Variants in STXBP5L observed in about 807,000 individuals in gnomAD.
STXBP5L encodes the protein syntaxin-binding protein 5-like.
A neutral mutation model predicts 144.5 loss-of-function variants in STXBP5L; 65 were observed. That is an observed-to-expected ratio of 0.45 (90% CI 0.37 to 0.55). STXBP5L has a LOEUF of 0.55. Among genes scored for constraint, STXBP5L ranks in the 20% least tolerant of loss-of-function variants. The probability of loss-of-function intolerance (pLI) is 0.00; values close to 1 mark genes in which losing one functional copy is unlikely to be tolerated. For missense variants in STXBP5L, 1,298 were observed against 1,405.5 expected (o/e 0.92, Z 1.22); for synonymous variants, 505 against 469.6 (o/e 1.08, Z -0.97).
chr3:121,009,829 T>C (rs1944636898), intron 3 of STXBP5L, among the ~76,000 whole-genome samples: 1 of 151,904 alleles, frequency 6.6e-6, no homozygotes, highest in African/African-American at 2.4e-5. Flanking sequence ...AAGGGCCTAG[T>C]AGCATGTCAG....
chr3:121,188,083 A>G (rs2047475939), intron 9 of STXBP5L, among the ~76,000 whole-genome samples: 1 of 152,176 alleles, frequency 6.6e-6, no homozygotes, highest in African/African-American at 2.4e-5. Context: ...ACACAATGTT[A>G]GTGGGAAAAT....
chr3:121,197,269 A>C (rs1025557209), intron 9 of STXBP5L, among the ~76,000 whole-genome samples: 2 of 152,154 alleles, frequency 1.3e-5, no homozygotes, highest in African/African-American at 4.8e-5. Flanking sequence ...TGTAGAAAGC[A>C]TATAGTTGGA....
intron 3 of STXBP5L, among the ~76,000 whole-genome samples, chr3:120,993,648 C>A (rs1003348505): frequency 6.6e-6 from 1 of 151,952 alleles, no homozygotes; most frequent in Non-Finnish European, 1.5e-5. Flanking sequence ...GTGTTCTGTT[C>A]CATTGGTCTA....
chr3:121,091,709 C>T (rs2042807932), intron 5 of STXBP5L, among the ~76,000 whole-genome samples: 1 of 152,030 alleles, frequency 6.6e-6, no homozygotes, highest in Non-Finnish European at 1.5e-5. Flanking sequence ...CGAAAATTTT[C>T]TCCCATGTTG....
chr3:121,061,399 G>T (rs1190041439), intron 5 of STXBP5L, among the ~76,000 whole-genome samples: 2 of 152,118 alleles, frequency 1.3e-5, no homozygotes, highest in South Asian at 2.1e-4. Flanking sequence ...CAGTTATGTG[G>T]CCAGTTTTAG....
chr3:120,986,941 C>T (rs1201591097), intron 3 of STXBP5L, among the ~76,000 whole-genome samples: 3 of 151,824 alleles, frequency 2.0e-5, no homozygotes, highest in Non-Finnish European at 2.9e-5. Flanking sequence ...CAGAAGGGAC[C>T]TGTGGGACAC....
intron 20 of STXBP5L, among the ~76,000 whole-genome samples, chr3:121,343,097 G>C (rs944390796): frequency 6.6e-6 from 1 of 152,180 alleles, no homozygotes; most frequent in African/African-American, 2.4e-5. Flanking sequence ...CTGATAGCCA[G>C]TGATGGTGAG....
chr3:120,929,605 T>C (rs1010072144), intron 2 of STXBP5L, among the ~76,000 whole-genome samples: 3 of 152,142 alleles, frequency 2.0e-5, no homozygotes, highest in Non-Finnish European at 4.4e-5. Flanking sequence ...CTGTGGGCAT[T>C]AAACCTTCAG....
At chr3:120,951,568 T>C (rs984857193) in intron 2 of STXBP5L, among the ~76,000 whole-genome samples, 1 of 152,158 alleles carries the variant, frequency 6.6e-6, no homozygotes, top group Non-Finnish European at 1.5e-5. Context: ...TCACCATCAC[T>C]GGCCATCGGA....
chr3:121,290,393 G>T (rs1404644415), intron 19 of STXBP5L, among the ~76,000 whole-genome samples: 3 of 151,974 alleles, frequency 2.0e-5, no homozygotes, highest in Non-Finnish European at 4.4e-5. Context: ...CAAGCAGTGA[G>T]ATTAAAATGG....
chr3:121,407,556 T>C lies in STXBP5L; in HGVS notation c.2901T>C (p.Ser967=). ...CAAATGTGGTGGTCATGTGTAGCAGTGCCTGCTTGGCATGCTTTTGTGCTA... is the reference window on the plus strand; with the variant it reads ...CAAATGTGGTGGTCATGTGTAGCAGCGCCTGCTTGGCATGCTTTTGTGCTA... ...LQANVVVMCS[S]ACLACFCANG... The change falls in exon 23 of 27, where the codon AGT becomes AGC. Residue 967 remains serine, a synonymous_variant. Coordinates refer to ENST00000471454, the MANE Select transcript of STXBP5L (RefSeq NM_001308330.2). The C allele has an allele frequency of 6.2e-7, 1 of 1,613,390 alleles. No individual in the cohort carries two copies. Among genetic ancestry groups the C allele is most frequent in the South Asian group, 1.1e-5 (1 of 91,068 alleles).
chr3:121,191,331 A>G (rs1040638177), intron 9 of STXBP5L, among the ~76,000 whole-genome samples: 5 of 152,196 alleles, frequency 3.3e-5, no homozygotes, highest in African/African-American at 1.2e-4. Flanking sequence ...CGCGGTCAGG[A>G]GCTGGAGACC....
In STXBP5L at chr3:121,419,273, G is replaced by A. The variant is rs961018214; in HGVS notation, c.*176G>A. The stretch of plus-strand genomic sequence containing the variant: ...GAGACACTGTGCAACCCAAAGGCTG[G>A]AGCCCTGGTTAAAATCCCAAAATAC... On this transcript the variant is annotated 3_prime_UTR_variant, in exon 27 of 27. Coordinates refer to ENST00000471454, the MANE Select transcript of STXBP5L (RefSeq NM_001308330.2). 1.5e-5 allele frequency: 9 copies of A among 583,736 alleles called. No homozygotes were observed. The highest frequency in any genetic ancestry group is 5.8e-5 in the African/African-American group (3 of 51,436). The allele number at this position is 583,736 out of a possible 1,614,324, so 36.2% of individuals were successfully genotyped here. A position where few individuals can be genotyped will look rare whatever the true frequency, so the allele number is the denominator to read the frequency against.
At chr3:121,403,205 A>C (rs2046922763) in intron 22 of STXBP5L, among the ~76,000 whole-genome samples, 1 of 152,096 alleles carries the variant, frequency 6.6e-6, no homozygotes, top group South Asian at 2.1e-4. Flanking sequence ...TAAGCTTCTA[A>C]CTAGGTGATT....
At chr3:121,249,112 C>A (rs1007254913) in intron 14 of STXBP5L, among the ~76,000 whole-genome samples, 8 of 151,872 alleles carry the variant, frequency 5.3e-5, no homozygotes, top group African/African-American at 1.9e-4. Context: ...TTTAGCTATA[C>A]AGGTTCTTTT....
chr3:121,043,067 G>A lies in STXBP5L; in HGVS notation c.369+1286G>A, dbSNP rs146939740. 6.8e-3 allele frequency among the ~76,000 whole-genome samples: 1,027 copies of A among 151,708 alleles called. 13 individuals carry two copies. The highest frequency in any genetic ancestry group is 0.024 in the African/African-American group (975 of 41,350). ...TTGAGACTTGTCTTCCAGGTCCTAA[G>A]TTTGCCCCTGTGGTACATAACTAAG... On this transcript the variant is annotated intron_variant, in intron 4 of 26. Coordinates refer to ENST00000471454, the MANE Select transcript of STXBP5L (RefSeq NM_001308330.2).
At chr3:121,408,964 GA>G (rs1576370264) in intron 23 of STXBP5L, among the ~76,000 whole-genome samples, 1 of 151,804 alleles carries the variant, frequency 6.6e-6, no homozygotes, top group Admixed American at 6.6e-5. Flanking sequence ...AGAAGGATTT[GA>G]AAAAGCCAAT....
chr3:121,093,708 C>G (rs897261331), intron 5 of STXBP5L, among the ~76,000 whole-genome samples: 10 of 151,840 alleles, frequency 6.6e-5, no homozygotes, highest in Admixed American at 2.6e-4. Flanking sequence ...TTTTGTTGAT[C>G]CTTTCAAAAA....
chr3:121,168,152 C>G (rs1479205375), intron 9 of STXBP5L, among the ~76,000 whole-genome samples: 1 of 152,152 alleles, frequency 6.6e-6, no homozygotes, highest in Admixed American at 6.5e-5. Flanking sequence ...ACAAAAAAGA[C>G]ACCCACTGAG....
Sources: gnomAD v4.1 joint callset for allele counts (sites outside exome capture counted in the v4.1 genomes callset) on GRCh38, gnomAD v4.1.1 for gene constraint, MANE v1.5 for transcripts, NCBI Gene and HGNC (gene_info 2026-07-23, HGNC 2026-07-21) for gene names.